Variants in CRACD observed in about 807,000 individuals in gnomAD.
CRACD encodes capping protein-inhibiting regulator of actin dynamics.
In CRACD, 56 loss-of-function variants were observed where a neutral mutation model predicts 106.8. That is an observed-to-expected ratio of 0.52 (90% CI 0.42 to 0.66). The LOEUF (loss-of-function observed/expected upper bound fraction) is 0.66. CRACD is among the 30% of genes least tolerant of loss of function. The pLI, the probability that CRACD is intolerant of heterozygous loss-of-function variation, is 0.00. For missense variants in CRACD, 1,730 were observed against 1,623.2 expected (o/e 1.07, Z -1.13); for synonymous variants, 754 against 670.8 (o/e 1.12, Z -1.92).
At chr4:56,057,418 TGTGTACACACATACAC>T (rs535716666) in intron 1 of CRACD, among the ~76,000 whole-genome samples, 12 of 152,334 alleles carry the variant, frequency 7.9e-5, no homozygotes, top group African/African-American at 2.6e-4. Context: ...GCCAGTTGTG[TGTGTACACACATACAC>T]CTAGTGGAGG....
chr4:56,180,338 A>G (rs545988748), intron 2 of CRACD, among the ~76,000 whole-genome samples: 26 of 151,976 alleles, frequency 1.7e-4, no homozygotes, highest in Admixed American at 5.9e-4. Flanking sequence ...AAAAACACAA[A>G]AACAGCTGGG....
intron 2 of CRACD, among the ~76,000 whole-genome samples, chr4:56,241,478 G>A (rs376029319): frequency 2.2e-4 from 34 of 151,614 alleles, no homozygotes; most frequent in African/African-American, 6.5e-4. Flanking sequence ...CTCTAATTTC[G>A]TCAAGGGACT....
chr4:56,131,429 G>C (rs937112832), intron 1 of CRACD, among the ~76,000 whole-genome samples: 1 of 152,166 alleles, frequency 6.6e-6, no homozygotes, highest in Non-Finnish European at 1.5e-5. Context: ...GTCATCTAAA[G>C]ATGTTGCTGA....
chr4:56,318,349 T>A (rs1209757508), intron 8 of CRACD, among the ~76,000 whole-genome samples: 1 of 152,120 alleles, frequency 6.6e-6, no homozygotes, highest in African/African-American at 2.4e-5. Flanking sequence ...ACAGACATGT[T>A]CATCAGCAGT....
intron 1 of CRACD, among the ~76,000 whole-genome samples, chr4:56,089,436 TC>T (rs1733341734): frequency 1.3e-5 from 2 of 152,184 alleles, no homozygotes; most frequent in Admixed American, 1.3e-4. Context: ...CGGCATTGCT[TC>T]CTGTGGGGAA....
chr4:56,250,011 G>T (rs1020448225), intron 2 of CRACD, among the ~76,000 whole-genome samples: 1 of 152,202 alleles, frequency 6.6e-6, no homozygotes, highest in African/African-American at 2.4e-5. Context: ...GGTAAAACAA[G>T]ATAAAGAAAC....
At chr4:56,232,754 T>C (rs1230877614) in intron 2 of CRACD, among the ~76,000 whole-genome samples, 1 of 149,794 alleles carries the variant, frequency 6.7e-6, no homozygotes, top group African/African-American at 2.5e-5. Context: ...AGATGGAGTC[T>C]CACTCTGTCA....
intron 2 of CRACD, among the ~76,000 whole-genome samples, chr4:56,215,176 AT>A (rs1231016936): frequency 6.6e-6 from 1 of 152,046 alleles, no homozygotes; most frequent in Non-Finnish European, 1.5e-5. Flanking sequence ...CACTCAGCTA[AT>A]TTTTTTAATT....
At chr4:56,132,013 T>C (rs1734840482) in intron 1 of CRACD, among the ~76,000 whole-genome samples, 1 of 152,188 alleles carries the variant, frequency 6.6e-6, no homozygotes, top group South Asian at 2.1e-4. Context: ...GAGTTCTACA[T>C]GATAATAGTG....
At chr4:56,220,664 T>C (rs2109512144) in intron 2 of CRACD, among the ~76,000 whole-genome samples, 1 of 152,208 alleles carries the variant, frequency 6.6e-6, no homozygotes, top group East Asian at 1.9e-4. Context: ...TTAGAATTCT[T>C]TGGGGAAGGG....
intron 1 of CRACD, among the ~76,000 whole-genome samples, chr4:56,103,720 T>A (rs113939324): frequency 6.6e-6 from 1 of 152,242 alleles, no homozygotes; most frequent in Non-Finnish European, 1.5e-5. Context: ...AGAGGAGATA[T>A]CTTTACCTTT....
intron 2 of CRACD, among the ~76,000 whole-genome samples, chr4:56,204,122 G>A (rs1321481660): frequency 6.6e-6 from 1 of 152,216 alleles, no homozygotes; most frequent in Non-Finnish European, 1.5e-5. Context: ...CAGCATTCTT[G>A]GCTAGGCATC....
At chr4:56,057,994 ATT>A (rs558636959) in intron 1 of CRACD, among the ~76,000 whole-genome samples, 36 of 63,056 alleles carry the variant, frequency 5.7e-4, no homozygotes, top group African/African-American at 8.4e-4. Context: ...AATTTTTTGT[ATT>A]TTTTTAGTAG....
At chr4:56,050,181 G>A (rs888074472) in intron 1 of CRACD, among the ~76,000 whole-genome samples, 2 of 151,954 alleles carry the variant, frequency 1.3e-5, no homozygotes, top group Non-Finnish European at 2.9e-5. Context: ...GGGGGAGGGG[G>A]AAGAAAACCT....
chr4:56,118,886 ATCAGAGAAAGTGTT>A, intron 1 of CRACD, among the ~76,000 whole-genome samples: 1 of 152,210 alleles, frequency 6.6e-6, no homozygotes, highest in Non-Finnish European at 1.5e-5. Flanking sequence ...TGTACATATA[ATCAGAGAAAGTGTT>A]CCATCTATAT....
At chr4:56,308,716 A>G (rs764596088) in intron 5 of CRACD, 20 of 984,656 alleles carry the variant, frequency 2.0e-5, no homozygotes, top group Non-Finnish European at 2.4e-5. Context: ...ACGCATTGAC[A>G]CCCTTTGTGT....
intron 8 of CRACD, among the ~76,000 whole-genome samples, chr4:56,323,128 G>GT (rs1191692212): frequency 6.6e-6 from 1 of 152,160 alleles, no homozygotes; most frequent in East Asian, 1.9e-4. Context: ...ATTTATTTGA[G>GT]TTTTTTTCTA....
chr4:56,288,899 A>G lies in CRACD; in HGVS notation c.-16-9315A>G, dbSNP rs576541095. Among the ~76,000 whole-genome samples the G allele has an allele frequency of 2.1e-4, 32 of 152,392 alleles. No individual in the cohort carries two copies. In the East Asian group the frequency reaches 4.6e-3, roughly 22 times the overall value. On this transcript the variant is annotated intron_variant, in intron 3 of 10. Transcript: ENST00000682029. The stretch of plus-strand genomic sequence containing the variant: ...CAAATGCCCATTGATGGATGAATGT[A>G]TAAACGTGATATGTACATACAATGG...
rs555890707 is a variant in CRACD, at chr4:56,329,441, A to C, written c.*1637A>C. Among the ~76,000 whole-genome samples, 4 of 152,330 alleles carry C rather than the reference A, an allele frequency of 2.6e-5. No individual in the cohort carries two copies. The South Asian group carries it at 6.2e-4, about 24-fold the overall frequency. Reference sequence around the variant, plus strand: ...ATAAAGGATGATGGCAAAGTTATTTACCATGTAGAAACCATTTTCTTTCTA... The same window carrying C: ...ATAAAGGATGATGGCAAAGTTATTTCCCATGTAGAAACCATTTTCTTTCTA... On this transcript the variant is annotated 3_prime_UTR_variant, in exon 11 of 11. Coordinates refer to ENST00000682029, the MANE Select transcript of CRACD (RefSeq NM_001393381.1).
Sources: gnomAD v4.1 joint callset for allele counts (sites outside exome capture counted in the v4.1 genomes callset) on GRCh38, gnomAD v4.1.1 for gene constraint, MANE v1.5 for transcripts, NCBI Gene and HGNC (gene_info 2026-07-23, HGNC 2026-07-21) for gene names.